SRD5A2: variants seen among roughly 807,000 people sequenced by gnomAD.
SRD5A2 encodes 3-oxo-5-alpha-steroid 4-dehydrogenase 2.
Under a neutral mutation model 27.4 loss-of-function variants are expected in SRD5A2, and 30 were observed. The ratio of observed to expected loss-of-function variants is 1.10; its 90% confidence interval spans 0.82 to 1.49. SRD5A2 has a LOEUF of 1.49. SRD5A2 is among the 40% of genes most tolerant of loss of function. The probability of loss-of-function intolerance (pLI) is 0.00; values close to 1 mark genes in which losing one functional copy is unlikely to be tolerated. For missense variants in SRD5A2, 348 were observed against 323.4 expected (o/e 1.08, Z -0.58); for synonymous variants, 141 against 133.6 (o/e 1.06, Z -0.38).
At chr2:31,634,058 G>A in the SRD5A2 span, among the ~76,000 whole-genome samples, 3 of 151,992 alleles carry the variant, frequency 2.0e-5, no homozygotes, top group Non-Finnish European at 4.4e-5. Context: ...CAATGATTGG[G>A]ATATAAACCC....
At chr2:31,646,202 T>C in the SRD5A2 span, among the ~76,000 whole-genome samples, 2 of 152,014 alleles carry the variant, frequency 1.3e-5, no homozygotes, top group African/African-American at 2.4e-5. Flanking sequence ...CAGTTAGAAG[T>C]CAGGTGCCTT....
At chr2:31,654,545 C>T in the SRD5A2 span, among the ~76,000 whole-genome samples, 2 of 152,124 alleles carry the variant, frequency 1.3e-5, no homozygotes, top group Admixed American at 6.6e-5. Flanking sequence ...TGTAATGCAG[C>T]AGAGTTAAGT....
At chr2:31,608,282 A>T in the SRD5A2 span, among the ~76,000 whole-genome samples, 3 of 152,062 alleles carry the variant, frequency 2.0e-5, no homozygotes, top group Non-Finnish European at 4.4e-5. Context: ...GCAGTAGTGC[A>T]TTGTAATTAT....
chr2:31,591,483 T>C, the SRD5A2 span, among the ~76,000 whole-genome samples: 7 of 151,990 alleles, frequency 4.6e-5, no homozygotes, highest in African/African-American at 1.7e-4. Flanking sequence ...TTTTACACTG[T>C]TGGTGGGACT....
chr2:31,597,186 C>T, the SRD5A2 span, among the ~76,000 whole-genome samples: 1 of 152,092 alleles, frequency 6.6e-6, no homozygotes, highest in East Asian at 1.9e-4. Context: ...TTATAGCCAA[C>T]TGATCTTTGA....
intron 1 of SRD5A2, among the ~76,000 whole-genome samples, chr2:31,575,464 T>C (rs2148102043): frequency 6.6e-6 from 1 of 152,286 alleles, no homozygotes; most frequent in Non-Finnish European, 1.5e-5. Flanking sequence ...CTGCCTATTA[T>C]GAAAGCCCAA....
chr2:31,568,397 G>A (rs980282759), intron 1 of SRD5A2, among the ~76,000 whole-genome samples: 31 of 152,286 alleles, frequency 2.0e-4, no homozygotes, highest in Non-Finnish European at 1.8e-4. Flanking sequence ...AGGCAGAGAG[G>A]AGCTTCAGTG....
At chr2:31,634,054 T>C in the SRD5A2 span, among the ~76,000 whole-genome samples, 1 of 152,204 alleles carries the variant, frequency 6.6e-6, no homozygotes, top group Non-Finnish European at 1.5e-5. Flanking sequence ...TGCACAATGA[T>C]TGGGATATAA....
At chr2:31,595,279 A>G in the SRD5A2 span, among the ~76,000 whole-genome samples, 1 of 152,172 alleles carries the variant, frequency 6.6e-6, no homozygotes, top group Non-Finnish European at 1.5e-5. Context: ...GATTCTTTGA[A>G]AAGATAAACA....
chr2:31,623,266 A>G, the SRD5A2 span, among the ~76,000 whole-genome samples: 1 of 152,122 alleles, frequency 6.6e-6, no homozygotes, highest in African/African-American at 2.4e-5. Context: ...TTTGTCTAAC[A>G]TCATTTCCAT....
chr2:31,580,538 G>A, intron 1 of SRD5A2, 82 bp downstream of exon 1: 2 of 1,405,618 alleles, frequency 1.4e-6, no homozygotes, highest in Non-Finnish European at 1.9e-6. Context: ...GGCGTTCCTC[G>A]GTGCGCGCTC....
chr2:31,652,237 T>C, the SRD5A2 span, among the ~76,000 whole-genome samples: 9 of 152,180 alleles, frequency 5.9e-5, no homozygotes, highest in Non-Finnish European at 1.2e-4. Flanking sequence ...ATCACAGGCA[T>C]GAGCCACCAC....
chr2:31,535,828 T>TTA (rs1190993836), intron 1 of SRD5A2, among the ~76,000 whole-genome samples: 2 of 152,190 alleles, frequency 1.3e-5, no homozygotes, highest in African/African-American at 4.8e-5. Context: ...TTCATGAGTT[T>TTA]TACTTCCTTC....
chr2:31,562,592 G>C (rs1666646591), intron 1 of SRD5A2, among the ~76,000 whole-genome samples: 1 of 152,090 alleles, frequency 6.6e-6, no homozygotes, highest in African/African-American at 2.4e-5. Flanking sequence ...CCATAAATTT[G>C]AGAACTTTTA....
chr2:31,599,698 T>A, the SRD5A2 span, among the ~76,000 whole-genome samples: 1 of 151,440 alleles, frequency 6.6e-6, no homozygotes, highest in Non-Finnish European at 1.5e-5. Context: ...AGTGCCTACA[T>A]CAAAACAGAG....
intron 1 of SRD5A2, among the ~76,000 whole-genome samples, chr2:31,558,406 T>A (rs571139653): frequency 1.3e-4 from 20 of 152,158 alleles, no homozygotes; most frequent in Non-Finnish European, 2.9e-4. Context: ...GATCAAGGGG[T>A]TGGCAGAGCC....
the SRD5A2 span, among the ~76,000 whole-genome samples, chr2:31,630,803 C>T: frequency 6.6e-6 from 1 of 152,132 alleles, no homozygotes; most frequent in South Asian, 2.1e-4. Flanking sequence ...TCCCTTAACC[C>T]AGCAGATTTC....
chr2:31,525,336 G>C lies in SRD5A2; in HGVS notation c.*860C>G. The C allele has an allele frequency of 4.4e-6, 1 of 226,224 alleles. No homozygotes were observed. Among genetic ancestry groups the C allele is most frequent in the East Asian group, 6.4e-5 (1 of 15,746 alleles). 14.0% of individuals were successfully genotyped at this position (226,224 alleles called of 1,614,324 possible). A position where few individuals can be genotyped will look rare whatever the true frequency, so the allele number is the denominator to read the frequency against. On this transcript the variant is annotated 3_prime_UTR_variant, in exon 5 of 5. Coordinates refer to ENST00000622030, the MANE Select transcript of SRD5A2 (RefSeq NM_000348.4). ...TTTGTTTTACACTACTCATTATTTG[G>C]ATATTGCCACTAGTTTCCAAAAACA...
At chr2:31,567,829 C>T (rs573993405) in intron 1 of SRD5A2, among the ~76,000 whole-genome samples, 5 of 152,268 alleles carry the variant, frequency 3.3e-5, no homozygotes, top group Non-Finnish European at 7.4e-5. Context: ...GAGTATTGCT[C>T]ATGCCCACTG....
Sources: allele counts gnomAD v4.1 joint callset (sites outside exome capture counted in the v4.1 genomes callset), GRCh38; gene constraint gnomAD v4.1.1; transcripts MANE v1.5; gene names NCBI Gene and HGNC (gene_info 2026-07-23, HGNC 2026-07-21).